STK24: variants seen among roughly 807,000 people sequenced by gnomAD.
STK24 encodes the protein serine/threonine-protein kinase 24.
Under a neutral mutation model 55.6 loss-of-function variants are expected in STK24, and 21 were observed. The observed-to-expected ratio is 0.38, with a 90% CI of 0.27 to 0.54. The LOEUF (loss-of-function observed/expected upper bound fraction) is 0.54. STK24 is among the 20% of genes least tolerant of loss of function. STK24 has a pLI of 0.79. For missense variants in STK24, 383 were observed against 538.4 expected (o/e 0.71, Z 2.86); for synonymous variants, 200 against 215.2 (o/e 0.93, Z 0.62).
chr13:98,465,021 C>G (rs1374929639), intron 6 of STK24, among the ~76,000 whole-genome samples: 5 of 152,168 alleles, frequency 3.3e-5, no homozygotes, highest in Non-Finnish European at 5.9e-5. Context: ...GGACTTCACC[C>G]ATGCCCTGGG....
At chr13:98,574,356 T>C (rs1397944500) in intron 1 of STK24, among the ~76,000 whole-genome samples, 5 of 152,186 alleles carry the variant, frequency 3.3e-5, no homozygotes, top group Non-Finnish European at 7.3e-5. Flanking sequence ...GGGAGGGCTA[T>C]GAGGCCTATC....
intron 1 of STK24, among the ~76,000 whole-genome samples, chr13:98,523,646 T>C (rs1896335050): frequency 6.6e-6 from 1 of 152,218 alleles, no homozygotes; most frequent in Non-Finnish European, 1.5e-5. Context: ...CGACGCCAGC[T>C]GAGCTCCCAG....
intron 1 of STK24, among the ~76,000 whole-genome samples, chr13:98,549,042 C>T (rs1250395937): frequency 6.6e-6 from 1 of 152,116 alleles, no homozygotes; most frequent in Admixed American, 6.5e-5. Context: ...GTTGCTAATA[C>T]AAGCCCCAAT....
At chr13:98,507,665 T>C (rs1274969217) in intron 2 of STK24, among the ~76,000 whole-genome samples, 3 of 152,224 alleles carry the variant, frequency 2.0e-5, no homozygotes, top group Admixed American at 2.0e-4. Flanking sequence ...GCCCAGTGTC[T>C]GCAGATGAGG....
At chr13:98,575,965 T>TACACTTGGCCTA in intron 1 of STK24, 1 of 927,408 alleles carries the variant, frequency 1.1e-6, no homozygotes, top group Non-Finnish European at 1.3e-6. Flanking sequence ...CCCCAAAAAG[T>TACACTTGGCCTA]CACTGGTAGG....
At chr13:98,489,398 A>T (rs1894933317) in intron 2 of STK24, among the ~76,000 whole-genome samples, 1 of 152,176 alleles carries the variant, frequency 6.6e-6, no homozygotes, top group Non-Finnish European at 1.5e-5. Context: ...GGAAAAGCTT[A>T]TGTGGTTGTT....
At chr13:98,487,673 G>A (rs1167894377) in intron 2 of STK24, among the ~76,000 whole-genome samples, 1 of 152,160 alleles carries the variant, frequency 6.6e-6, no homozygotes, top group Non-Finnish European at 1.5e-5. Flanking sequence ...GTTTCTTAAA[G>A]AGCAGTCCAT....
In STK24 at chr13:98,447,937, GAGGTAGCGTTCTCCCC is replaced by G. The variant is rs1892955996; in HGVS notation, c.*5220_*5235del. On this transcript the variant is annotated 3_prime_UTR_variant, in exon 11 of 11. Transcript: ENST00000539966. Reference sequence around the variant, plus strand: ...TTCTCTGCCATGTCCATGAAAATAGGAGGTAGCGTTCTCCCCAGCAACCAGAGGCCACCTCGCTCCT... The same window carrying G: ...TTCTCTGCCATGTCCATGAAAATAGGAGCAACCAGAGGCCACCTCGCTCCT... The G allele has an allele frequency of 4.6e-6, 2 of 435,922 alleles. No individual in the cohort carries two copies. The highest frequency in any genetic ancestry group is 8.3e-6 in the Non-Finnish European group (2 of 241,974). 27.0% of individuals were successfully genotyped at this position (435,922 alleles called of 1,614,324 possible).
At chr13:98,545,977 G>C (rs1897019778) in intron 1 of STK24, among the ~76,000 whole-genome samples, 1 of 152,184 alleles carries the variant, frequency 6.6e-6, no homozygotes, top group Admixed American at 6.5e-5. Context: ...TAAAGAAATT[G>C]GGAGATCACA....
At chr13:98,465,394 C>G (rs1261857338) in intron 6 of STK24, among the ~76,000 whole-genome samples, 1 of 152,232 alleles carries the variant, frequency 6.6e-6, no homozygotes, top group East Asian at 1.9e-4. Flanking sequence ...TAAGCCCATA[C>G]AGGACACATG....
intron 3 of STK24, among the ~76,000 whole-genome samples, chr13:98,477,752 G>A (rs1448381606): frequency 6.6e-6 from 1 of 151,004 alleles, no homozygotes; most frequent in Admixed American, 6.6e-5. Flanking sequence ...TGCCCAAGCC[G>A]ACGATCAATA....
intron 1 of STK24, chr13:98,575,963 A>T (rs1425689834): frequency 6.6e-6 from 6 of 909,720 alleles, no homozygotes; most frequent in African/African-American, 3.6e-5. Context: ...CTCCCCAAAA[A>T]GTCACTGGTA....
At chr13:98,564,018 C>T (rs1418213812) in intron 1 of STK24, among the ~76,000 whole-genome samples, 1 of 152,040 alleles carries the variant, frequency 6.6e-6, no homozygotes, top group African/African-American at 2.4e-5. Flanking sequence ...CCAGTACACC[C>T]TAATAACAGA....
intron 1 of STK24, among the ~76,000 whole-genome samples, chr13:98,552,871 A>G (rs1414822029): frequency 6.6e-6 from 1 of 152,102 alleles, no homozygotes; most frequent in African/African-American, 2.4e-5. Flanking sequence ...ATCCTGTAGG[A>G]CGCTCCAGTG....
At chr13:98,474,432 C>A (rs780053234) in intron 5 of STK24, among the ~76,000 whole-genome samples, 2 of 152,154 alleles carry the variant, frequency 1.3e-5, no homozygotes, top group African/African-American at 4.8e-5. Context: ...GCCGATTCCA[C>A]GCACTTGCAC....
chr13:98,542,879 C>A, intron 1 of STK24: 1 of 985,378 alleles, frequency 1.0e-6, no homozygotes, highest in African/African-American at 1.7e-5. Context: ...AAATCTAGAC[C>A]CCCTCATTTC....
At chr13:98,524,358 C>A (rs1341317592) in intron 1 of STK24, among the ~76,000 whole-genome samples, 2 of 152,132 alleles carry the variant, frequency 1.3e-5, no homozygotes, top group African/African-American at 2.4e-5. Context: ...CCGCAGTGTT[C>A]GCTCTGCCTC....
At chr13:98,537,482 G>A (rs781206454) in intron 1 of STK24, among the ~76,000 whole-genome samples, 73 of 152,278 alleles carry the variant, frequency 4.8e-4, no homozygotes, top group Non-Finnish European at 9.4e-4. Flanking sequence ...GGCCCCAGCC[G>A]CCAGCTGTGG....
Position 98,448,661 on chromosome 13 carries a change from T to C in STK24, c.*4512A>G, listed in dbSNP as rs908250006. ...GTTCAACACAAGACAGGGCAAGTGT[T>C]TTTCTTCCTAAAAAAAGTTCTTTCT... On this transcript the variant is annotated 3_prime_UTR_variant, in exon 11 of 11. Transcript: ENST00000539966. The C allele has an allele frequency of 5.0e-6, 1 of 201,308 alleles. No individual in the cohort carries two copies. The highest frequency in any genetic ancestry group is 2.3e-5 in the African/African-American group (1 of 43,194). The allele number at this position is 201,308 out of a possible 1,614,324, so 12.5% of individuals were successfully genotyped here.
Sources: allele counts gnomAD v4.1 joint callset (sites outside exome capture counted in the v4.1 genomes callset), GRCh38; gene constraint gnomAD v4.1.1; transcripts MANE v1.5; gene names NCBI Gene and HGNC (gene_info 2026-07-23, HGNC 2026-07-21).